The following PAX7 variants were observed in gnomAD, a reference collection of about 807,000 sequenced individuals.
PAX7 encodes paired box 7.
Under a neutral mutation model 50.7 loss-of-function variants are expected in PAX7, and 18 were observed. The observed-to-expected ratio is 0.36, with a 90% CI of 0.25 to 0.53. PAX7 has a LOEUF of 0.53. Among genes scored for constraint, PAX7 ranks in the 20% least tolerant of loss-of-function variants. PAX7 has a pLI of 0.93. For missense variants in PAX7, 644 were observed against 702.9 expected, an observed-to-expected ratio of 0.92 and a Z score of 0.95; for synonymous variants, 310 against 290.4, an observed-to-expected ratio of 1.07 and a Z score of -0.69.
chr1:18,642,695 T>C lies in PAX7; in HGVS notation c.586+6324T>C, dbSNP rs567423981. Among the ~76,000 whole-genome samples the C allele has an allele frequency of 1.8e-3, 274 of 151,770 alleles. 3 individuals are homozygous for C. Among genetic ancestry groups the C allele is most frequent in the African/African-American group, 6.3e-3 (260 of 41,448 alleles). ...AAAGGTGGAAATGGGGTCAGCGCTT[T>C]CTGACCTGCTCTGGAGCGATTGGCC... On this transcript the variant is annotated intron_variant, in intron 4 of 8. Coordinates refer to ENST00000420770, the MANE Select transcript of PAX7 (RefSeq NM_001135254.2).
chr1:18,707,134 G>C (rs1348159331), intron 7 of PAX7, among the ~76,000 whole-genome samples: 1 of 152,206 alleles, frequency 6.6e-6, no homozygotes, highest in Non-Finnish European at 1.5e-5. Context: ...AGGCACTTGG[G>C]ATAAATCAGT....
At chr1:18,713,874 A>G (rs938188427) in intron 7 of PAX7, among the ~76,000 whole-genome samples, 1 of 152,206 alleles carries the variant, frequency 6.6e-6, no homozygotes, top group African/African-American at 2.4e-5. Flanking sequence ...ATTTAGGCAC[A>G]TCGTGGACAC....
At chr1:18,734,473 T>C (rs529997652) in intron 7 of PAX7, among the ~76,000 whole-genome samples, 2 of 152,088 alleles carry the variant, frequency 1.3e-5, no homozygotes, top group East Asian at 3.9e-4. Context: ...CCTGCTCTGC[T>C]CTGAACTGAC....
At position 18,726,881 on chromosome 1, in the gene PAX7, C is replaced by T. The variant is rs2089578522; in HGVS notation, c.1156-8751C>T. 6.6e-6 allele frequency among the ~76,000 whole-genome samples: 1 copy of T among 152,146 alleles called. No individual in the cohort carries two copies. The highest frequency in any genetic ancestry group is 1.5e-5 in the Non-Finnish European group (1 of 68,016). On this transcript the variant is annotated intron_variant, in intron 7 of 8. Coordinates refer to ENST00000420770, the MANE Select transcript of PAX7 (RefSeq NM_001135254.2). The surrounding 1 kb of genome is among the most constrained non-coding windows in gnomAD (Gnocchi z 4.8). ...CCCACCAGGGTTGTGGGTGGCTAGC[C>T]CCCACCCTGGTCAGAGATGGCAGTC... is the stretch of plus-strand genomic sequence containing the variant.
intron 4 of PAX7, among the ~76,000 whole-genome samples, chr1:18,653,185 T>G (rs921225287): frequency 5.3e-5 from 7 of 131,350 alleles, no homozygotes; most frequent in African/African-American, 1.9e-4. Flanking sequence ...TGGGTTTTTT[T>G]CATTTTTTTT....
At chr1:18,717,823 C>T (rs1022649938) in intron 7 of PAX7, among the ~76,000 whole-genome samples, 3 of 152,196 alleles carry the variant, frequency 2.0e-5, no homozygotes, top group Non-Finnish European at 4.4e-5. Flanking sequence ...CCCTCAAGAA[C>T]CTTCCAGTTA....
chr1:18,719,508 C>T (rs1399823235), intron 7 of PAX7, among the ~76,000 whole-genome samples: 1 of 152,242 alleles, frequency 6.6e-6, no homozygotes, highest in Non-Finnish European at 1.5e-5. Flanking sequence ...GACCCTCTCA[C>T]CAGACCAGGG....
At position 18,703,285 on chromosome 1, in the gene PAX7, C is replaced by T; in HGVS notation, c.1144C>T (p.Leu382=). 6.2e-7 allele frequency: 1 copy of T among 1,613,996 alleles called. No individual in the cohort carries two copies. Among genetic ancestry groups the T allele is most frequent in the Non-Finnish European group, 8.5e-7 (1 of 1,180,008 alleles). ...CCACATGAACCCGGTCAGCAACGGC[C>T]TGTCTCCTCAGGTAGGTGGTCTCAG... ...SNHMNPVSNG[L]SPQVMSILGN... The change falls in exon 7 of 9, where the codon CTG becomes TTG. Residue 382 remains leucine, a synonymous_variant. Coordinates refer to ENST00000420770, the MANE Select transcript of PAX7 (RefSeq NM_001135254.2).
At chr1:18,648,224 G>T (rs1280074760) in intron 4 of PAX7, among the ~76,000 whole-genome samples, 1 of 151,520 alleles carries the variant, frequency 6.6e-6, no homozygotes, top group African/African-American at 2.4e-5. Flanking sequence ...CCCAACCACA[G>T]CTGTTTTCCC....
intron 7 of PAX7, among the ~76,000 whole-genome samples, chr1:18,720,126 A>T (rs975474224): frequency 6.6e-6 from 1 of 152,128 alleles, no homozygotes; most frequent in African/African-American, 2.4e-5. Flanking sequence ...TTGCTACTCC[A>T]AGTCTGTTCT....
At chr1:18,692,647 G>A (rs1343235953) in intron 5 of PAX7, among the ~76,000 whole-genome samples, 1 of 152,262 alleles carries the variant, frequency 6.6e-6, no homozygotes, top group Non-Finnish European at 1.5e-5. Flanking sequence ...AGCAGAGGAA[G>A]TGATCAGGAG....
At chr1:18,709,811 CTG>C (rs2089328288) in intron 7 of PAX7, among the ~76,000 whole-genome samples, 1 of 152,206 alleles carries the variant, frequency 6.6e-6, no homozygotes, top group African/African-American at 2.4e-5. Context: ...TGTGTTGTAT[CTG>C]CCTGGTGAGG....
At chr1:18,688,559 C>T (rs1055817884) in intron 4 of PAX7, among the ~76,000 whole-genome samples, 21 of 152,216 alleles carry the variant, frequency 1.4e-4, no homozygotes, top group Non-Finnish European at 2.9e-4. Context: ...ATCGCAGAAA[C>T]TTCTATTGGA....
intron 4 of PAX7, among the ~76,000 whole-genome samples, chr1:18,688,990 T>C (rs2089017966): frequency 6.6e-6 from 1 of 152,154 alleles, no homozygotes; most frequent in Admixed American, 6.5e-5. Flanking sequence ...TCCATCAGAC[T>C]GGGGCTTTCT....
rs1386364200 is a variant in PAX7, at chr1:18,631,651, G to T, written c.48G>T (p.Pro16=). ...GTVPRMMRPA[P]GQNYPRTGFP... The stretch of plus-strand genomic sequence containing the variant: ...TACCGAGAATGATGCGGCCGGCTCC[G>T]GGGCAGAACTACCCCCGCACGGGAT... Residue 16 remains proline, a synonymous_variant, in exon 1 of 9, where the codon CCG becomes CCT. Transcript: ENST00000420770. The T allele has an allele frequency of 2.5e-6, 4 of 1,613,058 alleles. No homozygotes were observed. The highest frequency in any genetic ancestry group is 1.1e-5 in the South Asian group (1 of 90,690).
rs1272360821 is a variant in PAX7, at chr1:18,630,879, C to A, written c.-725C>A. The A allele has an allele frequency of 3.2e-5, 6 of 187,654 alleles. No homozygotes were observed. The highest frequency in any genetic ancestry group is 5.6e-5 in the Non-Finnish European group (5 of 88,830). 11.6% of individuals were successfully genotyped at this position (187,654 alleles called of 1,614,324 possible). On this transcript the variant is annotated 5_prime_UTR_variant, in exon 1 of 9. Coordinates refer to ENST00000420770, the MANE Select transcript of PAX7 (RefSeq NM_001135254.2). ...TGCACAACTTACCCAGCTGATCACT[C>A]GCGCCCCCTCGCTTTTCCATTTCTC...
chr1:18,705,234 T>C (rs1046951509), intron 7 of PAX7, among the ~76,000 whole-genome samples: 26 of 151,914 alleles, frequency 1.7e-4, no homozygotes, highest in African/African-American at 6.0e-4. Flanking sequence ...TTCTTTGAGG[T>C]TCAAGGTCAT....
chr1:18,702,324 G>C (rs2089233284), intron 6 of PAX7, among the ~76,000 whole-genome samples: 1 of 152,222 alleles, frequency 6.6e-6, no homozygotes, highest in East Asian at 1.9e-4. Flanking sequence ...GGGCGACAGA[G>C]TGAGACTCCA....
intron 4 of PAX7, among the ~76,000 whole-genome samples, chr1:18,668,546 T>TA (rs990284145): frequency 8.6e-5 from 13 of 151,686 alleles, no homozygotes; most frequent in African/African-American, 1.9e-4. Flanking sequence ...ACAAAAAATT[T>TA]AAAAAAAATT....
Sources: allele counts gnomAD v4.1 joint callset (sites outside exome capture counted in the v4.1 genomes callset), GRCh38; gene constraint gnomAD v4.1.1; non-coding constraint Gnocchi (gnomAD v3.1); transcripts MANE v1.5; gene names NCBI Gene and HGNC (gene_info 2026-07-23, HGNC 2026-07-21).